Variants in EYS observed in about 807,000 individuals in gnomAD.
EYS encodes the protein protein eyes shut homolog.
A neutral mutation model predicts 282.1 loss-of-function variants in EYS; 250 were observed. The ratio of observed to expected loss-of-function variants is 0.89; its 90% CI spans 0.80 to 0.98. The LOEUF is 0.98. Ranked by LOEUF, EYS falls within the 50% of genes least tolerant of loss-of-function variation. The pLI, the probability that EYS is intolerant of heterozygous loss-of-function variation, is 0.00. For synonymous variants in EYS, 1,355 were observed against 1,282.9 expected (o/e 1.06, Z -1.20); for missense variants, 4,016 against 3,709.0 (o/e 1.08, Z -2.15).
At chr6:65,044,236 G>C (rs1194310634) in intron 13 of EYS, among the ~76,000 whole-genome samples, 1 of 151,706 alleles carries the variant, frequency 6.6e-6, no homozygotes, top group Non-Finnish European at 1.5e-5. Context: ...CAACCAGGTT[G>C]TGTGTTTTTT....
intron 26 of EYS, among the ~76,000 whole-genome samples, chr6:64,568,540 C>T (rs1765627274): frequency 6.6e-6 from 1 of 152,192 alleles, no homozygotes; most frequent in South Asian, 2.1e-4. Flanking sequence ...AGGGAAGGGG[C>T]AGCTGTGGGC....
At chr6:63,841,538 A>G (rs2149697558) in intron 36 of EYS, among the ~76,000 whole-genome samples, 1 of 152,362 alleles carries the variant, frequency 6.6e-6, no homozygotes, top group African/African-American at 2.4e-5. Context: ...CCGTATTGCA[A>G]GCATTCAAGA....
intron 12 of EYS, among the ~76,000 whole-genome samples, chr6:65,186,726 G>A (rs1021888472): frequency 1.3e-5 from 2 of 151,682 alleles, no homozygotes; most frequent in African/African-American, 2.4e-5. Flanking sequence ...GCTTCAGAAC[G>A]GTGTCGCCTC....
chr6:64,379,540 C>T (rs1230634883), intron 29 of EYS: 1 of 151,778 alleles, frequency 6.6e-6, no homozygotes, highest in Non-Finnish European at 1.5e-5. Flanking sequence ...AACTATAGAC[C>T]TGAGATGTGT....
intron 13 of EYS, among the ~76,000 whole-genome samples, chr6:65,018,995 A>T (rs1184689107): frequency 1.3e-5 from 2 of 152,150 alleles, no homozygotes; most frequent in East Asian, 1.9e-4. Context: ...AGCTTATAAG[A>T]TTATCTCAAT....
chr6:65,500,392 T>C (rs1157609629), intron 2 of EYS, among the ~76,000 whole-genome samples: 1 of 152,006 alleles, frequency 6.6e-6, no homozygotes, highest in African/African-American at 2.4e-5. Flanking sequence ...ATTTTTAGAG[T>C]TGGCACTTTT....
chr6:63,869,263 T>C (rs954130812), intron 35 of EYS, among the ~76,000 whole-genome samples: 1 of 152,126 alleles, frequency 6.6e-6, no homozygotes, highest in Non-Finnish European at 1.5e-5. Context: ...TTAAAAACAC[T>C]TTTTTTCTTG....
intron 12 of EYS, among the ~76,000 whole-genome samples, chr6:65,186,921 G>A (rs186211255): frequency 1.3e-4 from 19 of 151,876 alleles, no homozygotes; most frequent in Admixed American, 1.1e-3. Context: ...GCTGAGGCAA[G>A]TAGAACCCCT....
At chr6:64,957,177 T>C (rs969363195) in intron 14 of EYS, among the ~76,000 whole-genome samples, 3 of 152,096 alleles carry the variant, frequency 2.0e-5, no homozygotes, top group African/African-American at 7.2e-5. Context: ...AACCTAAGTG[T>C]CCATCAAAAG....
At chr6:65,458,094 T>C (rs1167605290) in intron 5 of EYS, among the ~76,000 whole-genome samples, 1 of 152,180 alleles carries the variant, frequency 6.6e-6, no homozygotes, top group South Asian at 2.1e-4. Flanking sequence ...TGTTTCCTTA[T>C]TGGCACTACT....
At chr6:64,878,402 C>G (rs1040636595) in intron 19 of EYS, among the ~76,000 whole-genome samples, 2 of 152,000 alleles carry the variant, frequency 1.3e-5, no homozygotes, top group Non-Finnish European at 2.9e-5. Flanking sequence ...CTTTTATTTT[C>G]TCAGGGATAT....
intron 1 of EYS, among the ~76,000 whole-genome samples, chr6:65,705,574 A>C (rs1479777212): frequency 6.6e-6 from 1 of 152,172 alleles, no homozygotes; most frequent in Non-Finnish European, 1.5e-5. Flanking sequence ...AAAAAGGGGC[A>C]TTGTGCTTAT....
chr6:64,579,074 C>T (rs1765980376), intron 26 of EYS, among the ~76,000 whole-genome samples: 1 of 152,016 alleles, frequency 6.6e-6, no homozygotes, highest in Non-Finnish European at 1.5e-5. Context: ...AGTTCTTCTC[C>T]TCATTCGCAG....
chr6:64,026,199 G>A (rs1043234122), intron 33 of EYS, among the ~76,000 whole-genome samples: 6 of 152,130 alleles, frequency 3.9e-5, no homozygotes, highest in Admixed American at 3.3e-4. Flanking sequence ...CGATCAGCAG[G>A]GTCCAGGGAC....
At chr6:63,909,036 A>AACATTATAACATTATAATGTTAT (rs1562091151) in intron 35 of EYS, among the ~76,000 whole-genome samples, 1 of 152,152 alleles carries the variant, frequency 6.6e-6, no homozygotes, top group African/African-American at 2.4e-5. Context: ...TTATAATGTT[A>AACATTATAACATTATAATGTTAT]AACGTGAGGT....
intron 2 of EYS, among the ~76,000 whole-genome samples, chr6:65,512,683 A>G (rs1201913570): frequency 6.6e-6 from 1 of 152,090 alleles, no homozygotes; most frequent in Non-Finnish European, 1.5e-5. Flanking sequence ...CTGCTCCTGA[A>G]TGACTACTGG....
At chr6:63,809,226 C>T (rs1770979811) in intron 36 of EYS, among the ~76,000 whole-genome samples, 1 of 152,178 alleles carries the variant, frequency 6.6e-6, no homozygotes, top group Non-Finnish European at 1.5e-5. Flanking sequence ...CTGAATTAGG[C>T]AGAAGAACGT....
intron 19 of EYS, among the ~76,000 whole-genome samples, chr6:64,860,232 C>T (rs558592551): frequency 1.3e-5 from 2 of 152,308 alleles, no homozygotes; most frequent in Admixed American, 1.3e-4. Flanking sequence ...TGTCACTTTG[C>T]CAGCCAGAAA....
At chr6:64,847,941 A>G (rs2150039510) in intron 19 of EYS, among the ~76,000 whole-genome samples, 1 of 152,184 alleles carries the variant, frequency 6.6e-6, no homozygotes, top group East Asian at 1.9e-4. Context: ...ACCTTCTCCA[A>G]TTGTGACAAT....
Sources: allele counts gnomAD v4.1 joint callset (sites outside exome capture counted in the v4.1 genomes callset), GRCh38; gene constraint gnomAD v4.1.1; transcripts MANE v1.5; gene names NCBI Gene and HGNC (gene_info 2026-07-23, HGNC 2026-07-21).